Variants in WT1 observed in about 807,000 individuals in gnomAD.
WT1 encodes the protein WT1 transcription factor, also known as Wilms tumor protein.
In WT1, 8 loss-of-function variants were observed where a neutral mutation model predicts 60.8. The observed-to-expected ratio is 0.13, with a 90% CI of 0.08 to 0.24. The LOEUF is 0.24. Among genes scored for constraint, WT1 ranks in the 10% least tolerant of loss-of-function variants. The pLI is 1.00. For missense variants in WT1, 568 were observed against 711.8 expected (o/e 0.80, Z 2.30); for synonymous variants, 312 against 297.1 (o/e 1.05, Z -0.52).
At chr11:32,392,788 A>G (rs1851855460) in intron 7 of WT1, 33 bp from the exon 8 acceptor site, 4 of 1,602,176 alleles carry the variant, frequency 2.5e-6, no homozygotes, top group African/African-American at 1.3e-5. Context: ...TTTGAAAATG[A>G]TACTGGAAAA....
chr11:32,419,753 G>A, intron 3 of WT1, among the ~76,000 whole-genome samples: 1 of 152,224 alleles, frequency 6.6e-6, no homozygotes, highest in East Asian at 1.9e-4. Flanking sequence ...GAGTGCAGTG[G>A]CGCTATTTCA....
chr11:32,417,288 T>TA, intron 4 of WT1: 2 of 426,600 alleles, frequency 4.7e-6, no homozygotes, highest in South Asian at 5.3e-5. Flanking sequence ...ACACAATTAT[T>TA]AAATGAGGTT....
rs372630828 is a variant in WT1, at chr11:32,417,586, G to T, written c.956C>A (p.Thr319Asn). The change falls in exon 4 of 10, where the codon ACC becomes AAC. Residue 319 changes from threonine to asparagine, a missense_variant. Coordinates refer to ENST00000452863, the MANE Select transcript of WT1 (RefSeq NM_024426.6). ...ATAGAGAAAACCTTACCCCTTTAAG[G>T]TGGCTCCTAAGTTCATCTGATTCCA... 3 of 1,613,870 alleles carry T rather than the reference G, an allele frequency of 1.9e-6. No individual in the cohort carries two copies. The highest frequency in any genetic ancestry group is 8.5e-7 in the Non-Finnish European group (1 of 1,179,852).
intron 5 of WT1, among the ~76,000 whole-genome samples, chr11:32,406,925 C>G (rs897884713): frequency 6.6e-6 from 1 of 151,956 alleles, no homozygotes; most frequent in Non-Finnish European, 1.5e-5. Flanking sequence ...ATGGTGAAAC[C>G]CCATCTCTAC....
chr11:32,427,444 A>G lies in WT1; in HGVS notation c.887+512T>C, dbSNP rs1001084025. Among the ~76,000 whole-genome samples the G allele has an allele frequency of 2.2e-4, 34 of 152,248 alleles. 1 individual carries two copies. Among genetic ancestry groups the G allele is most frequent in the African/African-American group, 8.2e-4 (34 of 41,548 alleles). The stretch of plus-strand genomic sequence containing the variant: ...CGTCCTGCACCCCGGCCGGGGGCCC[A>G]CCCCAGAGCGTAGCAGGGGCGCTGG... On this transcript the variant is annotated intron_variant, in intron 3 of 9. Transcript: ENST00000452863.
Position 32,395,438 on chromosome 11 carries a change from C to T in WT1, c.1264+819G>A, listed in dbSNP as rs114137942. Among the ~76,000 whole-genome samples, 538 of 151,792 alleles carry T rather than the reference C, an allele frequency of 3.5e-3. 3 individuals carry two copies. Among genetic ancestry groups the T allele is most frequent in the African/African-American group, 0.012 (495 of 41,348 alleles). ...CTGGGGGAAAATCCAGTTTCATTGG[C>T]GTATCTTCAAAGATAAAAAATCATC... is the stretch of plus-strand genomic sequence containing the variant. On this transcript the variant is annotated intron_variant, in intron 7 of 9. Transcript: ENST00000452863.
At chr11:32,414,853 A>T (rs1161083704) in intron 5 of WT1, among the ~76,000 whole-genome samples, 2 of 151,220 alleles carry the variant, frequency 1.3e-5, no homozygotes, top group Non-Finnish European at 2.9e-5. Flanking sequence ...AGCCTGGGTG[A>T]CAGAGTGGGA....
chr11:32,422,625 C>T (rs1852892162), intron 3 of WT1, among the ~76,000 whole-genome samples: 2 of 152,152 alleles, frequency 1.3e-5, no homozygotes, highest in Non-Finnish European at 2.9e-5. Flanking sequence ...AGTTATGGAA[C>T]CCAAGATTTC....
intron 5 of WT1, among the ~76,000 whole-genome samples, chr11:32,403,217 A>G (rs1852208332): frequency 6.6e-6 from 1 of 152,062 alleles, no homozygotes; most frequent in Non-Finnish European, 1.5e-5. Context: ...CAAACACACC[A>G]ATGCAATTCC....
At chr11:32,427,707 G>A (rs1205416401) in intron 3 of WT1, among the ~76,000 whole-genome samples, 1 of 152,240 alleles carries the variant, frequency 6.6e-6, no homozygotes, top group Non-Finnish European at 1.5e-5. Context: ...AACTTCTCGA[G>A]CGCCGCTCCT....
At chr11:32,422,642 A>G (rs1852892653) in intron 3 of WT1, among the ~76,000 whole-genome samples, 1 of 152,044 alleles carries the variant, frequency 6.6e-6, no homozygotes, top group Non-Finnish European at 1.5e-5. Flanking sequence ...TTTCCCAGAA[A>G]CTCTATGGCT....
At chr11:32,410,782 C>T (rs964924941) in intron 5 of WT1, among the ~76,000 whole-genome samples, 7 of 152,148 alleles carry the variant, frequency 4.6e-5, no homozygotes, top group African/African-American at 7.2e-5. Flanking sequence ...AGAAATAAAG[C>T]TAGAATAAAT....
Position 32,406,405 on chromosome 11 carries a change from G to A in WT1, c.1017-6361C>T, listed in dbSNP as rs532837007. ...TGATCTGACAGAAGGTGGAGCTCAG[G>A]CAGTAATTCGAGGGATGGTGTGGCT... On this transcript the variant is annotated intron_variant, in intron 5 of 9. Transcript: ENST00000452863. 7.9e-5 allele frequency among the ~76,000 whole-genome samples: 12 copies of A among 152,224 alleles called. No individual in the cohort carries two copies. The East Asian group carries it at 2.3e-3, about 29-fold the overall frequency.
chr11:32,434,473 C>G (rs1230814296), intron 1 of WT1, among the ~76,000 whole-genome samples: 1 of 152,270 alleles, frequency 6.6e-6, no homozygotes, highest in Non-Finnish European at 1.5e-5. Context: ...TGCGAACAGT[C>G]AGGCTCCTAG....
intron 6 of WT1, among the ~76,000 whole-genome samples, chr11:32,399,407 A>T (rs1313944409): frequency 3.3e-5 from 5 of 152,234 alleles, no homozygotes; most frequent in Non-Finnish European, 7.3e-5. Context: ...CTCATCAATT[A>T]TAACAAATGT....
intron 1 of WT1, chr11:32,430,909 C>A (rs1029611076): frequency 3.6e-6 from 4 of 1,103,086 alleles, no homozygotes; most frequent in African/African-American, 1.6e-5. Context: ...CTTGGCCTGG[C>A]GCGGAGAGTG....
intron 1 of WT1, among the ~76,000 whole-genome samples, chr11:32,433,550 C>A (rs1039649902): frequency 3.9e-5 from 6 of 152,236 alleles, no homozygotes; most frequent in Admixed American, 3.3e-4. Flanking sequence ...CCTAGGCCCT[C>A]GAGTAATTTT....
intron 5 of WT1, among the ~76,000 whole-genome samples, chr11:32,408,773 G>A (rs1383510362): frequency 6.6e-6 from 1 of 151,982 alleles, no homozygotes; most frequent in African/African-American, 2.4e-5. Context: ...AGGGAGGAGG[G>A]GGCTGTTATA....
chr11:32,427,868 G>T, intron 3 of WT1, 88 bp downstream of exon 3: 2 of 1,319,824 alleles, frequency 1.5e-6, no homozygotes, highest in Non-Finnish European at 1.0e-6. Flanking sequence ...AGTCAGGGCT[G>T]CCCGGCTGGG....
Sources: gnomAD v4.1 joint callset for allele counts (sites outside exome capture counted in the v4.1 genomes callset) on GRCh38, gnomAD v4.1.1 for gene constraint, MANE v1.5 for transcripts, NCBI Gene and HGNC (gene_info 2026-07-23, HGNC 2026-07-21) for gene names.